Variants in IFT140 observed in about 807,000 individuals in gnomAD.
The protein encoded by IFT140 is intraflagellar transport protein 140 homolog.
In IFT140, 133 loss-of-function variants were observed where a neutral mutation model predicts 164.6. That is an observed-to-expected ratio of 0.81 (90% confidence interval 0.70 to 0.93). The LOEUF (loss-of-function observed/expected upper bound fraction) is 0.93. Among genes scored for constraint, IFT140 ranks in the 40% least tolerant of loss-of-function variants. The probability of loss-of-function intolerance (pLI) is 0.00; values close to 1 mark genes in which losing one functional copy is unlikely to be tolerated. For missense variants in IFT140, 2,045 were observed against 1,972.3 expected (o/e 1.04, Z -0.70); for synonymous variants, 860 against 817.3 (o/e 1.05, Z -0.89).
intron 19 of IFT140, among the ~76,000 whole-genome samples, chr16:1,537,686 C>G (rs886869226): frequency 6.6e-6 from 1 of 152,218 alleles, no homozygotes; most frequent in African/African-American, 2.4e-5. Flanking sequence ...CTCACTTCGT[C>G]TCGTTTTGGA....
At chr16:1,550,392 G>A (rs1287869783) in intron 19 of IFT140, among the ~76,000 whole-genome samples, 1 of 152,218 alleles carries the variant, frequency 6.6e-6, no homozygotes, top group Non-Finnish European at 1.5e-5. Flanking sequence ...TCTAAACGAC[G>A]CATTTTCAAA....
intron 12 of IFT140, among the ~76,000 whole-genome samples, chr16:1,583,039 G>A (rs931647849): frequency 6.6e-6 from 1 of 151,466 alleles, no homozygotes; most frequent in Non-Finnish European, 1.5e-5. Flanking sequence ...TGCATGGTCT[G>A]GAAACATTTC....
At position 1,527,119 on chromosome 16, in the gene IFT140, C is replaced by T. The variant is rs1449667086; in HGVS notation, c.2400-323G>A. The T allele has an allele frequency of 2.4e-5, 9 of 374,534 alleles. No homozygotes were observed. In the Admixed American group the frequency reaches 3.7e-4, roughly 16 times the overall value. 23.2% of individuals were successfully genotyped at this position (374,534 alleles called of 1,614,324 possible). On this transcript the variant is annotated intron_variant, in intron 19 of 30. Coordinates refer to ENST00000426508, the MANE Select transcript of IFT140 (RefSeq NM_014714.4). ...CTGTCTGATCAGGAAATGTGGGCTT[C>T]CTGTGTTGCTTGCACACACAGGACC...
At chr16:1,594,172 T>C (rs1010371186) in intron 4 of IFT140, among the ~76,000 whole-genome samples, 5 of 152,224 alleles carry the variant, frequency 3.3e-5, no homozygotes, top group Non-Finnish European at 7.3e-5. Context: ...TGGTGAGCAC[T>C]TCCTTTCTGG....
intron 19 of IFT140, among the ~76,000 whole-genome samples, chr16:1,547,413 A>C (rs943577478): frequency 2.0e-5 from 3 of 152,190 alleles, no homozygotes; most frequent in African/African-American, 7.2e-5. Context: ...AGCAGGGTTG[A>C]TACTCACTGA....
chr16:1,603,554 A>G (rs1293231690), intron 3 of IFT140, among the ~76,000 whole-genome samples: 1 of 150,756 alleles, frequency 6.6e-6, no homozygotes, highest in Admixed American at 6.6e-5. Flanking sequence ...GCATGATCTG[A>G]GCTCACCGCA....
chr16:1,543,252 A>G (rs1236866128), intron 19 of IFT140, among the ~76,000 whole-genome samples: 1 of 152,268 alleles, frequency 6.6e-6, no homozygotes, highest in African/African-American at 2.4e-5. Flanking sequence ...GTTCCCACAG[A>G]GGAAGTGGCA....
chr16:1,592,066 T>A, intron 6 of IFT140, 110 bp downstream of exon 6: 5 of 1,180,358 alleles, frequency 4.2e-6, no homozygotes, highest in Non-Finnish European at 6.1e-6. Flanking sequence ...TGCAGCCTGC[T>A]GCTATCACCG....
intron 2 of IFT140, 42 bp from the exon 3 acceptor site, chr16:1,607,339 T>C: frequency 1.3e-6 from 2 of 1,489,160 alleles, no homozygotes; most frequent in East Asian, 4.5e-5. Flanking sequence ...CAGTTTTAAA[T>C]AAAACAAACA....
Position 1,562,008 on chromosome 16 carries a change from G to T in IFT140, c.2176C>A (p.Pro726Thr). The T allele has an allele frequency of 6.2e-7, 1 of 1,609,034 alleles. No individual in the cohort carries two copies. Among genetic ancestry groups the T allele is most frequent in the Non-Finnish European group, 8.5e-7 (1 of 1,177,896 alleles). ...TSHSLLGMEV[P>T]YYYFTRKPEE... ...ACCTTTCTTGTGAAGTAGTAATAAG[G>T]CACTTCCATCCCCAGGAGACTGTGG... is the stretch of plus-strand genomic sequence containing the variant. The change falls in exon 18 of 31, where the codon CCT becomes ACT. Residue 726 changes from proline (P) to threonine (T), a missense_variant. Physicochemically the swap from Pro to Thr is conservative, Grantham distance 38 (BLOSUM62 -1). Transcript: ENST00000426508.
At position 1,594,656 on chromosome 16, in the gene IFT140, G is replaced by A. The variant is rs529619556; in HGVS notation, c.370-2068C>T. Among the ~76,000 whole-genome samples the A allele has an allele frequency of 2.6e-5, 4 of 152,364 alleles. No individual in the cohort carries two copies. The East Asian group carries it at 5.8e-4, about 22-fold the overall frequency. On this transcript the variant is annotated intron_variant, in intron 4 of 30. Transcript: ENST00000426508. ...TGCTCAATCTAAAACCATCACAGTC[G>A]CAACTGCGCGGCACAGACAGGTGCG...
chr16:1,575,936 G>C (rs116333217), intron 13 of IFT140, among the ~76,000 whole-genome samples: 3,185 of 152,216 alleles, frequency 0.021, 112 homozygotes, highest in African/African-American at 0.072. Context: ...CACAGGTCTT[G>C]AACAACACAG....
intron 19 of IFT140, among the ~76,000 whole-genome samples, chr16:1,528,438 C>CAG (rs1034840070): frequency 2.6e-5 from 4 of 151,502 alleles, no homozygotes; most frequent in Non-Finnish European, 5.9e-5. Flanking sequence ...CAGATGCACA[C>CAG]ACACATTCAC....
At position 1,563,953 on chromosome 16, in the gene IFT140, G is replaced by C. The variant is rs1324595377; in HGVS notation, c.2067+44C>G. ...ATGAAGATCTTAAGTCTGTCAAATG[G>C]CCACTGAGTGTGTCTAAACTCAAAT... On this transcript the variant is annotated intron_variant, in intron 17 of 30. Coordinates refer to ENST00000426508, the MANE Select transcript of IFT140 (RefSeq NM_014714.4). The C allele has an allele frequency of 3.3e-6, 5 of 1,498,814 alleles. No individual in the cohort carries two copies. In the African/African-American group the frequency reaches 5.6e-5, roughly 17 times the overall value. 92.8% of individuals were successfully genotyped at this position (1,498,814 alleles called of 1,614,324 possible). A position where few individuals can be genotyped will look rare whatever the true frequency, so the allele number is the denominator to read the frequency against.
At position 1,555,184 on chromosome 16, in the gene IFT140, AC is replaced by A. The variant is rs2032992704; in HGVS notation, c.2399+2750del. The A allele has an allele frequency of 5.5e-6, 5 of 906,898 alleles. No homozygotes were observed. The East Asian group carries it at 1.3e-4, about 24-fold the overall frequency. 56.2% of individuals were successfully genotyped at this position (906,898 alleles called of 1,614,324 possible). A position where few individuals can be genotyped will look rare whatever the true frequency, so the allele number is the denominator to read the frequency against. On this transcript the variant is annotated intron_variant, in intron 19 of 30. Transcript: ENST00000426508. The stretch of plus-strand genomic sequence containing the variant: ...ATGCGTGCGAGACACGTGTGCGTTT[AC>A]TGTTATGTCGGTCATATGTCTGTAC...
At chr16:1,597,576 G>C (rs2035529269) in intron 4 of IFT140, among the ~76,000 whole-genome samples, 1 of 152,220 alleles carries the variant, frequency 6.6e-6, no homozygotes, top group Non-Finnish European at 1.5e-5. Context: ...CTGGGGAAGA[G>C]ATGTCTCTGC....
At position 1,564,099 on chromosome 16, in the gene IFT140, C is replaced by T. The variant is rs571683311; in HGVS notation, c.1965G>A (p.Gln655=). The change falls in exon 17 of 31, where the codon CAG becomes CAA. Residue 655 remains glutamine (Q), a synonymous_variant. Transcript: ENST00000426508. This position sits in a 1 kb window ranked among gnomAD's most constrained non-coding sequence, Gnocchi z 5.5. Reference sequence around the variant, plus strand: ...CGCATACAAACAGCCGGGGCTCACTCTGGTCCCAGAAGTGGTTCACGGGAA... The same window carrying T: ...CGCATACAAACAGCCGGGGCTCACTTTGGTCCCAGAAGTGGTTCACGGGAA... ...NYVPVNHFWD[Q]SEPRLFVCEA... 2 of 1,602,092 alleles carry T rather than the reference C, an allele frequency of 1.2e-6. No homozygotes were observed. Among genetic ancestry groups the T allele is most frequent in the Admixed American group, 1.7e-5 (1 of 59,740 alleles).
chr16:1,595,835 T>C (rs1437794772), intron 4 of IFT140, among the ~76,000 whole-genome samples: 1 of 151,506 alleles, frequency 6.6e-6, no homozygotes, highest in East Asian at 2.0e-4. Context: ...AACAGATCAC[T>C]TGAGGTCAGG....
At chr16:1,528,361 GCA>G (rs1043234759) in intron 19 of IFT140, among the ~76,000 whole-genome samples, 48 of 148,796 alleles carry the variant, frequency 3.2e-4, no homozygotes, top group Middle Eastern at 3.6e-3. Context: ...ACGCACGTGT[GCA>G]CACACACGCA....
Sources: gnomAD v4.1 joint callset for allele counts (sites outside exome capture counted in the v4.1 genomes callset) on GRCh38, gnomAD v4.1.1 for gene constraint, Gnocchi (gnomAD v3.1) non-coding constraint, MANE v1.5 for transcripts, NCBI Gene and HGNC (gene_info 2026-07-23, HGNC 2026-07-21) for gene names.